The following CFAP100 variants were observed in gnomAD, a reference collection of about 807,000 sequenced individuals.
CFAP100 encodes the protein cilia and flagella associated protein 100, also known as cilia- and flagella-associated protein 100.
CFAP100 carries 70 observed loss-of-function variants against 81.5 expected under a neutral mutation model. The observed-to-expected ratio is 0.86, with a 90% CI of 0.71 to 1.05. The LOEUF is 1.05. Among genes scored for constraint, CFAP100 ranks in the 50% least tolerant of loss-of-function variants. The pLI is 0.00. For synonymous variants in CFAP100, 341 were observed against 314.8 expected, an observed-to-expected ratio of 1.08 and a Z score of -0.88; for missense variants, 811 against 776.5, an observed-to-expected ratio of 1.04 and a Z score of -0.53.
intron 2 of CFAP100, among the ~76,000 whole-genome samples, chr3:126,404,722 T>C (rs2083036697): frequency 6.6e-6 from 1 of 152,204 alleles, no homozygotes; most frequent in Admixed American, 6.5e-5. Context: ...TCGCCCAGGC[T>C]GGAGTGCAGT....
In CFAP100 at chr3:126,433,094, C is replaced by G. The variant is rs199915938; in HGVS notation, c.1312C>G (p.Gln438Glu). The change falls in exon 14 of 17, where the codon CAG (glutamine) becomes GAG (glutamate). Residue 438 changes from glutamine to glutamate, a missense_variant. By Grantham distance (29) the Gln-to-Glu change is conservative. Coordinates refer to ENST00000352312, the MANE Select transcript of CFAP100 (RefSeq NM_182628.3). ...GGACAGGGAGGTCAACCAGCTGAAG[C>G]AGTGGGTCACCACAATGATGATGTC... The part of the protein sequence containing the change: ...RMDREVNQLK[Q>E]WVTTMMMSIT... 13 of 1,614,176 alleles carry G rather than the reference C, an allele frequency of 8.1e-6. No individual in the cohort carries two copies. The highest frequency in any genetic ancestry group is 2.7e-5 in the African/African-American group (2 of 75,062).
chr3:126,433,383 C>A, intron 14 of CFAP100, 179 bp downstream of exon 14: 1 of 674,676 alleles, frequency 1.5e-6, no homozygotes, highest in South Asian at 2.0e-5. Flanking sequence ...CTGTGCCAGC[C>A]AGCTTGGTTG....
At chr3:126,406,226 G>A (rs1344847590) in intron 2 of CFAP100, among the ~76,000 whole-genome samples, 1 of 152,040 alleles carries the variant, frequency 6.6e-6, no homozygotes, top group Non-Finnish European at 1.5e-5. Flanking sequence ...TGGCCTTCCC[G>A]CCTGTCCCAC....
chr3:126,405,439 G>T (rs1247413371), intron 2 of CFAP100, among the ~76,000 whole-genome samples: 1 of 152,174 alleles, frequency 6.6e-6, no homozygotes, highest in African/African-American at 2.4e-5. Flanking sequence ...AAGGTGGGTG[G>T]ATCACCTGAG....
At chr3:126,406,811 C>T (rs2083070793) in intron 2 of CFAP100, among the ~76,000 whole-genome samples, 1 of 152,162 alleles carries the variant, frequency 6.6e-6, no homozygotes, top group African/African-American at 2.4e-5. Context: ...AAGGCACTGG[C>T]CACGCCGGGG....
intron 13 of CFAP100, among the ~76,000 whole-genome samples, chr3:126,429,107 C>CAAAAA (rs57773311): frequency 9.4e-5 from 9 of 95,752 alleles, no homozygotes; most frequent in Non-Finnish European, 1.2e-4. Context: ...CGTCTCCATC[C>CAAAAA]AAAAAAAAAA....
chr3:126,419,707 C>A lies in CFAP100; in HGVS notation c.802C>A (p.Pro268Thr), dbSNP rs781097350. 15 of 1,614,098 alleles carry A rather than the reference C, an allele frequency of 9.3e-6. No individual in the cohort carries two copies. The highest frequency in any genetic ancestry group is 1.3e-5 in the Non-Finnish European group (15 of 1,180,030). The change falls in exon 9 of 17, where the codon CCC (proline) becomes ACC (threonine). Residue 268 changes from proline (P) to threonine (T), a missense_variant. Coordinates refer to ENST00000352312, the MANE Select transcript of CFAP100 (RefSeq NM_182628.3). ...VYKDFLYKLS[P>T]KEWLEEQEKK... is the part of the protein sequence containing the mutation. ...TAAGGATTTCCTATACAAGCTGTCG[C>A]CCAAGGAGTGGCTTGAAGAACAGGA... is the stretch of plus-strand genomic sequence containing the variant.
At chr3:126,419,937 G>A in intron 9 of CFAP100, 43 bp from the exon 10 acceptor site, 6 of 1,612,700 alleles carry the variant, frequency 3.7e-6, no homozygotes, top group South Asian at 1.1e-5. Flanking sequence ...CTGAAGCTTG[G>A]CTGCAGCTGA....
chr3:126,407,689 T>G (rs1471712458), intron 3 of CFAP100, among the ~76,000 whole-genome samples: 1 of 152,174 alleles, frequency 6.6e-6, no homozygotes, highest in Non-Finnish European at 1.5e-5. Context: ...AACTTAGCCT[T>G]CTAGGGGAAG....
intron 3 of CFAP100, among the ~76,000 whole-genome samples, chr3:126,409,864 T>C (rs139763128): frequency 1.6e-4 from 24 of 152,350 alleles, no homozygotes; most frequent in East Asian, 3.9e-4. Flanking sequence ...CTCCCACTCC[T>C]GGGACTGCCT....
chr3:126,407,146 C>T (rs367947280), intron 2 of CFAP100, 26 bp from the exon 3 acceptor site: 25 of 1,562,586 alleles, frequency 1.6e-5, no homozygotes, highest in South Asian at 1.0e-4. Context: ...GTCACTGCTG[C>T]GGCCCTCACT....
Position 126,418,713 on chromosome 3 carries a change from G to T in CFAP100, c.589G>T (p.Ala197Ser), listed in dbSNP as rs149511023. ...ERAEKSLEKD[A>S]ALFDEFVREN... ...GGCCGAGAAATCCCTGGAGAAGGACGCCGCCTTGTTCGACGAGTTCGTCAG... is the reference window on the plus strand; with the variant it reads ...GGCCGAGAAATCCCTGGAGAAGGACTCCGCCTTGTTCGACGAGTTCGTCAG... Residue 197 changes from alanine to serine, a missense_variant, in exon 7 of 17, where the codon GCC (alanine) becomes TCC (serine). Ala to Ser is a moderately conservative substitution (Grantham distance 99, BLOSUM62 1). Transcript: ENST00000352312. 6.3e-7 allele frequency: 1 copy of T among 1,592,170 alleles called. No individual in the cohort carries two copies. The highest frequency in any genetic ancestry group is 1.8e-5 in the Admixed American group (1 of 56,240).
intron 3 of CFAP100, among the ~76,000 whole-genome samples, chr3:126,411,809 T>C (rs187042910): frequency 2.4e-4 from 36 of 152,318 alleles, no homozygotes; most frequent in African/African-American, 8.4e-4. Flanking sequence ...CTTCTCTTGG[T>C]TAATCTTGTG....
Position 126,433,054 on chromosome 3 carries a change from T to G in CFAP100, c.1287-15T>G, listed in dbSNP as rs760984338. The G allele has an allele frequency of 8.1e-6, 13 of 1,613,738 alleles. No homozygotes were observed. Among genetic ancestry groups the G allele is most frequent in the Admixed American group, 1.7e-5 (1 of 59,964 alleles). ...GCTGAGTGACTGATGCCCTGCCGGTTTTCCCCTCTTCCAGGGACAGGGAGG... is the reference window on the plus strand; with the variant it reads ...GCTGAGTGACTGATGCCCTGCCGGTGTTCCCCTCTTCCAGGGACAGGGAGG... On this transcript the variant is annotated splice_polypyrimidine_tract_variant and intron_variant, in intron 13 of 16. Coordinates refer to ENST00000352312, the MANE Select transcript of CFAP100 (RefSeq NM_182628.3).
At position 126,433,099 on chromosome 3, in the gene CFAP100, G is replaced by C. The variant is rs1933294854; in HGVS notation, c.1317G>C (p.Trp439Cys). Residue 439 changes from tryptophan to cysteine, a missense_variant, in exon 14 of 17, where the codon TGG becomes TGC. Transcript: ENST00000352312. Reference protein sequence around the residue: ...MDREVNQLKQWVTTMMMSITK... With the variant: ...MDREVNQLKQCVTTMMMSITK... ...GGGAGGTCAACCAGCTGAAGCAGTG[G>C]GTCACCACAATGATGATGTCCATCA... 6.2e-7 allele frequency: 1 copy of C among 1,614,150 alleles called. No individual in the cohort carries two copies. Among genetic ancestry groups the C allele is most frequent in the Admixed American group, 1.7e-5 (1 of 60,026 alleles).
At chr3:126,430,547 T>C (rs985067004) in intron 13 of CFAP100, among the ~76,000 whole-genome samples, 13 of 152,186 alleles carry the variant, frequency 8.5e-5, no homozygotes, top group Non-Finnish European at 1.6e-4. Flanking sequence ...TTCCTTGAAC[T>C]CTTATAATGC....
chr3:126,408,892 G>A (rs1421593973), intron 3 of CFAP100, among the ~76,000 whole-genome samples: 1 of 152,240 alleles, frequency 6.6e-6, no homozygotes, highest in Non-Finnish European at 1.5e-5. Flanking sequence ...GGGTTTAAGC[G>A]ATCCTCCTGC....
intron 3 of CFAP100, among the ~76,000 whole-genome samples, chr3:126,410,315 T>A (rs1440949108): frequency 2.0e-5 from 3 of 152,242 alleles, no homozygotes; most frequent in Non-Finnish European, 4.4e-5. Flanking sequence ...AAGGTCATGA[T>A]ATCCTCTGAT....
At chr3:126,409,761 T>C (rs1179412284) in intron 3 of CFAP100, among the ~76,000 whole-genome samples, 1 of 152,232 alleles carries the variant, frequency 6.6e-6, no homozygotes, top group Non-Finnish European at 1.5e-5. Context: ...TTCTGCCCAC[T>C]TGTTTGTTGC....
Sources: gnomAD v4.1 joint callset for allele counts (sites outside exome capture counted in the v4.1 genomes callset) on GRCh38, gnomAD v4.1.1 for gene constraint, MANE v1.5 for transcripts, NCBI Gene and HGNC (gene_info 2026-07-23, HGNC 2026-07-21) for gene names.